Variants in CHRNA4 observed in about 807,000 individuals in gnomAD.
CHRNA4 encodes the protein neuronal acetylcholine receptor subunit alpha-4.
In CHRNA4, 28 loss-of-function variants were observed where a neutral mutation model predicts 48.9. That is an observed-to-expected ratio of 0.57 (90% CI 0.42 to 0.79). CHRNA4 has a LOEUF of 0.79. Among genes scored for constraint, CHRNA4 ranks in the 30% least tolerant of loss-of-function variants. The probability of loss-of-function intolerance (pLI) is 0.00; values close to 1 mark genes in which losing one functional copy is unlikely to be tolerated. For missense variants in CHRNA4, 859 were observed against 898.4 expected, an observed-to-expected ratio of 0.96 and a Z score of 0.56; for synonymous variants, 425 against 402.3, an observed-to-expected ratio of 1.06 and a Z score of -0.68.
chr20:63,360,965 G>T (rs550346461), intron 1 of CHRNA4, 125 bp downstream of exon 1: 23 of 786,550 alleles, frequency 2.9e-5, no homozygotes, highest in South Asian at 2.4e-4. Context: ...GAGCCTCGCG[G>T]TCGCCCAGTC....
At position 63,359,678 on chromosome 20, in the gene CHRNA4, C is replaced by G. The variant is rs201575409; in HGVS notation, c.98G>C (p.Arg33Pro). The change falls in exon 2 of 6, where the codon CGG becomes CCG. Residue 33 changes from arginine (R) to proline (P), a missense_variant. Transcript: ENST00000370263. ...CAGGAGCCGCTCCTCGGCGTGGGCC[C>G]GGGTCTCCACATGGCTGCTGGCTGC... The part of the protein sequence containing the change: ...LLRASSHVET[R>P]AHAEERLLKK... 1.9e-6 allele frequency: 3 copies of G among 1,611,366 alleles called. No homozygotes were observed. The South Asian group carries it at 3.3e-5, about 18-fold the overall frequency.
In CHRNA4 at chr20:63,350,014, A is replaced by G; in HGVS notation, c.1397T>C (p.Leu466Pro). 6.5e-7 allele frequency: 1 copy of G among 1,530,040 alleles called. No homozygotes were observed. Among genetic ancestry groups the G allele is most frequent in the Non-Finnish European group, 8.8e-7 (1 of 1,138,446 alleles). The allele number at this position is 1,530,040 out of a possible 1,614,324, so 94.8% of individuals were successfully genotyped here. ...QAPGLAKARS[L>P]SVQHMSSPGE... ...AGGGCTGGACATGTGCTGGACGCTGAGGGACCTGGCTTTGGCCAGCCCTGG... is the reference window on the plus strand; with the variant it reads ...AGGGCTGGACATGTGCTGGACGCTGGGGGACCTGGCTTTGGCCAGCCCTGG... The change falls in exon 5 of 6, where the codon CTC (leucine) becomes CCC (proline). Residue 466 changes from leucine (L) to proline (P), a missense_variant. Transcript: ENST00000370263.
intron 5 of CHRNA4, among the ~76,000 whole-genome samples, chr20:63,349,306 A>G (rs1354082025): frequency 6.6e-6 from 1 of 152,140 alleles, no homozygotes; most frequent in Non-Finnish European, 1.5e-5. Context: ...GGACTTGGCC[A>G]TTGCTGGGCA....
Position 63,356,608 on chromosome 20 carries a change from G to A in CHRNA4, c.229-193C>T. The A allele has an allele frequency of 9.4e-6, 6 of 634,986 alleles. No individual in the cohort carries two copies. The South Asian group carries it at 1.1e-4, about 11-fold the overall frequency. The allele number at this position is 634,986 out of a possible 1,614,324, so 39.3% of individuals were successfully genotyped here. A position where few individuals can be genotyped will look rare whatever the true frequency, so the allele number is the denominator to read the frequency against. ...AGGATGGGGACTCTGAGGGGACCTA[G>A]GGATGTGGGGACAAGGCCACAAACA... On this transcript the variant is annotated intron_variant, in intron 2 of 5. Coordinates refer to ENST00000370263, the MANE Select transcript of CHRNA4 (RefSeq NM_000744.7).
rs1363655626 is a variant in CHRNA4 at position 63,349,747 on chromosome 20, G to T, written c.1664C>A (p.Pro555His). The change falls in exon 5 of 6, where the codon CCC becomes CAC. Residue 555 changes from proline to histidine, a missense_variant. Pro to His is a moderately conservative substitution (Grantham distance 77). This residue lies in a region of CHRNA4 where 478 missense variants were observed against 455.4 expected (regional missense o/e 1.05). Coordinates refer to ENST00000370263, the MANE Select transcript of CHRNA4 (RefSeq NM_000744.7). ...GGCCGGCGACAGGGGCAGGTGCGGGGGCGGCGCTTTGGTGCTGCGGGTCTT... is the reference window on the plus strand; with the variant it reads ...GGCCGGCGACAGGGGCAGGTGCGGGTGCGGCGCTTTGGTGCTGCGGGTCTT... ...TVKTRSTKAPPPHLPLSPALT... is the reference protein window; with the variant it reads ...TVKTRSTKAPHPHLPLSPALT... 6.2e-7 allele frequency: 1 copy of T among 1,612,242 alleles called. No individual in the cohort carries two copies. Among genetic ancestry groups the T allele is most frequent in the African/African-American group, 1.3e-5 (1 of 74,926 alleles).
Position 63,359,595 on chromosome 20 carries a change from C to A in CHRNA4, c.181G>T (p.Val61Leu), listed in dbSNP as rs150451372. 1.9e-6 allele frequency: 3 copies of A among 1,612,614 alleles called. No individual in the cohort carries two copies. The African/African-American group carries it at 4.0e-5, about 22-fold the overall frequency. Residue 61 changes from valine (V) to leucine (L), a missense_variant, in exon 2 of 6, where the codon GTG (valine) becomes TTG (leucine). Around this residue, in one of 3 missense-constraint regions of CHRNA4, gnomAD observed 342 missense variants for 365.3 expected, o/e 0.94. Transcript: ENST00000370263. ...GACAGGCCGAAGCGGACGAGGACCA[C>A]GTCCGAGATGTTGGCCACGGGTCGG... Reference protein sequence around the residue: ...WSRPVANISDVVLVRFGLSIA... With the variant: ...WSRPVANISDLVLVRFGLSIA...
In CHRNA4 at chr20:63,343,522, T is replaced by C. The variant is rs1568800589; in HGVS notation, c.*3216A>G. ...CCCACAGCAGCTGCGTGCCCTAGAGTGTCCTGGGCCCGGCCTTAACTTACA... is the reference window on the plus strand; with the variant it reads ...CCCACAGCAGCTGCGTGCCCTAGAGCGTCCTGGGCCCGGCCTTAACTTACA... On this transcript the variant is annotated 3_prime_UTR_variant, in exon 6 of 6. Transcript: ENST00000370263. The C allele has an allele frequency of 4.4e-6, 2 of 454,044 alleles. No homozygotes were observed. Among genetic ancestry groups the C allele is most frequent in the East Asian group, 7.0e-5 (1 of 14,388 alleles). 28.1% of individuals were successfully genotyped at this position (454,044 alleles called of 1,614,324 possible).
chr20:63,351,274 A>G (rs939502116), intron 4 of CHRNA4: 30 of 85,976 alleles, frequency 3.5e-4, no homozygotes, highest in Non-Finnish European at 7.4e-4. Flanking sequence ...ACACAGAGGC[A>G]TTCTCACGTC....
chr20:63,361,312 TGCGGCGGCGGCGCGGCAGGGA>T lies in CHRNA4; in HGVS notation c.-168_-148del. ...GTTCGTCTTCTCCTGTGGGGCGCGG[TGCGGCGGCGGCGCGGCAGGGA>T]GCGCCGGGCTGTGGGCTCCGTGGCG... On this transcript the variant is annotated 5_prime_UTR_variant, in exon 1 of 6. Coordinates refer to ENST00000370263, the MANE Select transcript of CHRNA4 (RefSeq NM_000744.7). 1 of 1,183,006 alleles carries T rather than the reference TGCGGCGGCGGCGCGGCAGGGA, an allele frequency of 8.5e-7. No individual in the cohort carries two copies. Among genetic ancestry groups the T allele is most frequent in the Non-Finnish European group, 1.0e-6 (1 of 965,088 alleles). 73.3% of individuals were successfully genotyped at this position (1,183,006 alleles called of 1,614,324 possible). A position where few individuals can be genotyped will look rare whatever the true frequency, so the allele number is the denominator to read the frequency against.
In CHRNA4 at chr20:63,345,773, G is replaced by A. The variant is rs938891605; in HGVS notation, c.*965C>T. The A allele has an allele frequency of 6.8e-6, 3 of 443,944 alleles. No individual in the cohort carries two copies. The highest frequency in any genetic ancestry group is 4.7e-5 in the South Asian group (3 of 64,216). The allele number at this position is 443,944 out of a possible 1,614,324, so 27.5% of individuals were successfully genotyped here. A position where few individuals can be genotyped will look rare whatever the true frequency, so the allele number is the denominator to read the frequency against. On this transcript the variant is annotated 3_prime_UTR_variant, in exon 6 of 6. Transcript: ENST00000370263. The surrounding 1 kb of genome is among the most constrained non-coding windows in gnomAD (Gnocchi z 5.4). ...CCTTCTTCCCGAACCCAGAGCCCAG[G>A]GCGGATCTCCCGGGCTGCGCGCCAA...
intron 4 of CHRNA4, among the ~76,000 whole-genome samples, chr20:63,353,708 G>C (rs1476946828): frequency 1.5e-5 from 1 of 65,112 alleles, no homozygotes; most frequent in Non-Finnish European, 3.0e-5. Flanking sequence ...TCCTGGGGGG[G>C]CTGCGGTCCT....
In CHRNA4 at chr20:63,344,221, A is replaced by T; in HGVS notation, c.*2517T>A. On this transcript the variant is annotated 3_prime_UTR_variant, in exon 6 of 6. Coordinates refer to ENST00000370263, the MANE Select transcript of CHRNA4 (RefSeq NM_000744.7). The surrounding 1 kb of genome is among the most constrained non-coding windows in gnomAD (Gnocchi z 4.5). ...AAGAAGCCAGACATCAAAGGCTCCAACTGCAGGATTCTGACTCCTCGAAGG... is the reference window on the plus strand; with the variant it reads ...AAGAAGCCAGACATCAAAGGCTCCATCTGCAGGATTCTGACTCCTCGAAGG... The T allele has an allele frequency of 2.2e-6, 1 of 454,026 alleles. No individual in the cohort carries two copies. The highest frequency in any genetic ancestry group is 4.4e-6 in the Non-Finnish European group (1 of 226,758). The allele number at this position is 454,026 out of a possible 1,614,324, so 28.1% of individuals were successfully genotyped here.
At chr20:63,353,383 T>C (rs1050688440) in intron 4 of CHRNA4, among the ~76,000 whole-genome samples, 7 of 148,814 alleles carry the variant, frequency 4.7e-5, no homozygotes, top group African/African-American at 1.7e-4. Flanking sequence ...CCACAGGCCA[T>C]GGTGAGGAGG....
Position 63,359,542 on chromosome 20 carries a change from A to T in CHRNA4, c.228+6T>A, listed in dbSNP as rs367917715. 6.2e-7 allele frequency: 1 copy of T among 1,612,438 alleles called. No individual in the cohort carries two copies. The highest frequency in any genetic ancestry group is 1.3e-5 in the African/African-American group (1 of 74,906). On this transcript the variant is annotated splice_donor_region_variant and intron_variant, in intron 2 of 5. Coordinates refer to ENST00000370263, the MANE Select transcript of CHRNA4 (RefSeq NM_000744.7). ...CACAGTGCACGATGGCCACGCCCTCACCTACCACGTCAATGAGCTGAGCGA... is the reference window on the plus strand; with the variant it reads ...CACAGTGCACGATGGCCACGCCCTCTCCTACCACGTCAATGAGCTGAGCGA...
Position 63,344,524 on chromosome 20 carries a change from C to A in CHRNA4, c.*2214G>T, listed in dbSNP as rs2068456551. 2.2e-6 allele frequency: 1 copy of A among 452,328 alleles called. No individual in the cohort carries two copies. Among genetic ancestry groups the A allele is most frequent in the African/African-American group, 2.0e-5 (1 of 49,494 alleles). The allele number at this position is 452,328 out of a possible 1,614,324, so 28.0% of individuals were successfully genotyped here. On this transcript the variant is annotated 3_prime_UTR_variant, in exon 6 of 6. Coordinates refer to ENST00000370263, the MANE Select transcript of CHRNA4 (RefSeq NM_000744.7). This position sits in a 1 kb window ranked among gnomAD's most constrained non-coding sequence, Gnocchi z 4.5. ...AAAAAAAGAAAGGGAAAGGGGTCTT[C>A]CCCCAGGCAAGCGGCCACCCCCGGC...
intron 4 of CHRNA4, among the ~76,000 whole-genome samples, chr20:63,352,372 C>A (rs1382792153): frequency 6.6e-6 from 1 of 152,184 alleles, no homozygotes; most frequent in South Asian, 2.1e-4. Context: ...CCTGGCCCCC[C>A]ACGGTCTCAG....
intron 2 of CHRNA4, among the ~76,000 whole-genome samples, chr20:63,358,787 G>T (rs930992318): frequency 2.6e-5 from 4 of 152,178 alleles, no homozygotes; most frequent in Admixed American, 2.0e-4. Flanking sequence ...TGGGAAACGT[G>T]GAAATGTCTC....
At chr20:63,358,192 C>A (rs1015940111) in intron 2 of CHRNA4, among the ~76,000 whole-genome samples, 3 of 152,202 alleles carry the variant, frequency 2.0e-5, no homozygotes, top group Non-Finnish European at 2.9e-5. Context: ...GGGTGGCCAA[C>A]CCTGGACGGG....
intron 4 of CHRNA4, 147 bp downstream of exon 4, chr20:63,355,828 G>T: frequency 1.8e-6 from 2 of 1,142,698 alleles, no homozygotes; most frequent in Non-Finnish European, 2.5e-6. Flanking sequence ...TTCCTTCCTG[G>T]GCCTGGGCTG....
Sources: gnomAD v4.1 joint callset for allele counts (sites outside exome capture counted in the v4.1 genomes callset) on GRCh38, gnomAD v4.1.1 for gene constraint, gnomAD v4.1.1 regional missense constraint, Gnocchi (gnomAD v3.1) non-coding constraint, MANE v1.5 for transcripts, NCBI Gene and HGNC (gene_info 2026-07-23, HGNC 2026-07-21) for gene names.